The following JARID2 variants were observed in gnomAD, a reference collection of about 807,000 sequenced individuals.
JARID2 encodes jumonji and AT-rich interaction domain containing 2, also known as protein Jumonji.
A neutral mutation model predicts 125.6 loss-of-function variants in JARID2; 21 were observed. That is an observed-to-expected ratio of 0.17 (90% CI 0.12 to 0.24). JARID2 has a LOEUF of 0.24. JARID2 is among the 10% of genes least tolerant of loss of function. The pLI is 1.00. For synonymous variants in JARID2, 736 were observed against 661.6 expected (o/e 1.11, Z -1.73); for missense variants, 1,303 against 1,639.6 (o/e 0.79, Z 3.55).
At chr6:15,490,243 T>C (rs1488516447) in intron 6 of JARID2, among the ~76,000 whole-genome samples, 2 of 147,668 alleles carry the variant, frequency 1.4e-5, no homozygotes, top group Non-Finnish European at 3.0e-5. Flanking sequence ...ATCTTTCATT[T>C]CAAATATGAT....
chr6:15,500,804 C>A (rs1770697699), intron 7 of JARID2, 103 bp from the exon 8 acceptor site: 2 of 996,764 alleles, frequency 2.0e-6, no homozygotes, highest in Non-Finnish European at 3.0e-6. Flanking sequence ...CTGTCAGAGT[C>A]CTGGCTCATA....
intron 3 of JARID2, 55 bp downstream of exon 3, chr6:15,410,420 G>C (rs1765827792): frequency 1.3e-6 from 2 of 1,568,544 alleles, no homozygotes; most frequent in Admixed American, 3.4e-5. Context: ...TGCAAACTCA[G>C]GTGCCAGTTT....
At chr6:15,440,828 A>AT (rs1160011777) in intron 3 of JARID2, among the ~76,000 whole-genome samples, 1 of 152,226 alleles carries the variant, frequency 6.6e-6, no homozygotes, top group Non-Finnish European at 1.5e-5. Flanking sequence ...CTATTAGCAG[A>AT]TTTTTTAAAT....
At chr6:15,400,885 C>T (rs947423700) in intron 2 of JARID2, 1 of 1,288,212 alleles carries the variant, frequency 7.8e-7, no homozygotes, top group South Asian at 1.2e-5. Context: ...CCTCACTGCG[C>T]TCTTCCTCCC....
At chr6:15,291,846 C>G (rs1330295010) in intron 1 of JARID2, among the ~76,000 whole-genome samples, 4 of 152,052 alleles carry the variant, frequency 2.6e-5, no homozygotes, top group Admixed American at 2.0e-4. Flanking sequence ...TTTTTGTACT[C>G]CTACTGTATA....
intron 5 of JARID2, 58 bp from the exon 6 acceptor site, chr6:15,487,249 G>A (rs1167696170): frequency 7.0e-7 from 1 of 1,420,660 alleles, no homozygotes; most frequent in African/African-American, 1.4e-5. Flanking sequence ...CATATCAGTA[G>A]TTTGCGTGGT....
intron 3 of JARID2, among the ~76,000 whole-genome samples, chr6:15,425,356 T>C (rs1397787712): frequency 6.6e-6 from 1 of 152,174 alleles, no homozygotes; most frequent in Non-Finnish European, 1.5e-5. Context: ...ATATGATTGA[T>C]TTAAGCCTGT....
chr6:15,435,757 C>T (rs899337127), intron 3 of JARID2, among the ~76,000 whole-genome samples: 11 of 151,658 alleles, frequency 7.3e-5, no homozygotes, highest in Admixed American at 3.3e-4. Flanking sequence ...AATTTGAAAT[C>T]GAGTAGATTA....
At chr6:15,281,663 A>G (rs967141035) in intron 1 of JARID2, among the ~76,000 whole-genome samples, 11 of 152,210 alleles carry the variant, frequency 7.2e-5, no homozygotes, top group South Asian at 2.1e-4. Context: ...TCACGTAACA[A>G]TATCTCAAAG....
intron 1 of JARID2, among the ~76,000 whole-genome samples, chr6:15,366,163 C>G (rs1763965323): frequency 6.6e-6 from 1 of 152,010 alleles, no homozygotes; most frequent in Non-Finnish European, 1.5e-5. Context: ...ATCAGGCAGC[C>G]ACAAGTTGTT....
At chr6:15,498,091 A>G (rs900896255) in intron 7 of JARID2, among the ~76,000 whole-genome samples, 1 of 152,090 alleles carries the variant, frequency 6.6e-6, no homozygotes, top group African/African-American at 2.4e-5. Context: ...GCTTCAACAT[A>G]TGAATTTGGA....
At chr6:15,331,308 T>A (rs181359572) in intron 1 of JARID2, among the ~76,000 whole-genome samples, 273 of 145,286 alleles carry the variant, frequency 1.9e-3, no homozygotes, top group Non-Finnish European at 3.5e-3. Context: ...CACTCCAGCC[T>A]GGGTGGCAGA....
chr6:15,385,781 G>T (rs1382712486), intron 2 of JARID2, among the ~76,000 whole-genome samples: 1 of 152,062 alleles, frequency 6.6e-6, no homozygotes, highest in Non-Finnish European at 1.5e-5. Flanking sequence ...CTCTGTTCAG[G>T]GGACTGAGAG....
At chr6:15,442,378 C>T (rs1465154477) in intron 3 of JARID2, among the ~76,000 whole-genome samples, 8 of 152,170 alleles carry the variant, frequency 5.3e-5, no homozygotes, top group South Asian at 4.1e-4. Context: ...AATTTGTTCA[C>T]TCCTTGTAAC....
At position 15,507,138 on chromosome 6, in the gene JARID2, A is replaced by G. The variant is rs375240537; in HGVS notation, c.2544A>G (p.Gln848=). 5.0e-6 allele frequency: 8 copies of G among 1,597,538 alleles called. No individual in the cohort carries two copies. The highest frequency in any genetic ancestry group is 5.0e-5 in the Admixed American group (3 of 59,980). The change falls in exon 10 of 18, where the codon CAA becomes CAG. Residue 848 remains glutamine, a splice_region_variant and synonymous_variant. Coordinates refer to ENST00000341776, the MANE Select transcript of JARID2 (RefSeq NM_004973.4). The part of the protein sequence containing the change: ...SKEPAPAEIE[Q]EYWRLVEEKD... ...CAGCCCTTTCCTGTTCCCTGCAGCA[A>G]GAGTACTGGAGGCTAGTGGAAGAGA... is the stretch of plus-strand genomic sequence containing the variant.
At chr6:15,417,750 A>G (rs1354316416) in intron 3 of JARID2, among the ~76,000 whole-genome samples, 1 of 152,210 alleles carries the variant, frequency 6.6e-6, no homozygotes, top group Non-Finnish European at 1.5e-5. Flanking sequence ...TCAAAAAAAA[A>G]CTAAATAAGC....
At chr6:15,507,091 G>A (rs1771041153) in intron 9 of JARID2, 45 bp from the exon 10 acceptor site, 3 of 1,239,968 alleles carry the variant, frequency 2.4e-6, no homozygotes, top group Non-Finnish European at 3.6e-6. Flanking sequence ...CTCTGTGGCT[G>A]CAGCACCTTA....
intron 7 of JARID2, among the ~76,000 whole-genome samples, chr6:15,499,088 T>C (rs1160000416): frequency 2.0e-5 from 3 of 152,068 alleles, no homozygotes; most frequent in South Asian, 2.1e-4. Context: ...GGTGTGCTTA[T>C]GCTTGTTGCC....
chr6:15,418,706 T>A (rs1383128561), intron 3 of JARID2, among the ~76,000 whole-genome samples: 1 of 152,202 alleles, frequency 6.6e-6, no homozygotes, highest in Non-Finnish European at 1.5e-5. Flanking sequence ...GTTTAAACAC[T>A]GTTTGTCCTA....
Sources: gnomAD v4.1 joint callset for allele counts (sites outside exome capture counted in the v4.1 genomes callset) on GRCh38, gnomAD v4.1.1 for gene constraint, MANE v1.5 for transcripts, NCBI Gene and HGNC (gene_info 2026-07-23, HGNC 2026-07-21) for gene names.